The following PRLR variants were observed in gnomAD, a reference collection of about 807,000 sequenced individuals.
The protein encoded by PRLR is hPRL receptor.
In PRLR, 13 loss-of-function variants were observed where a neutral mutation model predicts 40.2. That is an observed-to-expected ratio of 0.32 (90% CI 0.21 to 0.51). The LOEUF is 0.51. Ranked by LOEUF, PRLR falls within the 20% of genes least tolerant of loss-of-function variation. The pLI, the probability that PRLR is intolerant of heterozygous loss-of-function variation, is 0.97. For missense variants in PRLR, 656 were observed against 747.3 expected (o/e 0.88, Z 1.42); for synonymous variants, 269 against 278.7 (o/e 0.97, Z 0.35).
At chr5:35,109,051 T>G (rs4455534) in intron 2 of PRLR, among the ~76,000 whole-genome samples, 36,011 of 151,936 alleles carry the variant, frequency 0.24, 7,862 homozygotes, top group African/African-American at 0.58. Context: ...AGAGCCCTCA[T>G]AAATAATACC....
chr5:35,151,659 G>A lies in PRLR; in HGVS notation c.-105-33537C>T, dbSNP rs934480473. Among the ~76,000 whole-genome samples, 8 of 152,088 alleles carry A rather than the reference G, an allele frequency of 5.3e-5. No individual in the cohort carries two copies. The East Asian group carries it at 1.5e-3, about 29-fold the overall frequency. On this transcript the variant is annotated intron_variant, in intron 1 of 9. Transcript: ENST00000618457. Reference sequence around the variant, plus strand: ...TCTGCATGCTCCCTCTCAGAATCCAGCCACCATAGAGCCAAGGCTCCTGAG... The same window carrying A: ...TCTGCATGCTCCCTCTCAGAATCCAACCACCATAGAGCCAAGGCTCCTGAG...
At chr5:35,113,360 T>C (rs1772797445) in intron 2 of PRLR, among the ~76,000 whole-genome samples, 1 of 143,104 alleles carries the variant, frequency 7.0e-6, no homozygotes. Context: ...CATCCATCTA[T>C]CAACCTACCC....
chr5:35,196,337 C>A (rs78510156), intron 1 of PRLR, among the ~76,000 whole-genome samples: 3,487 of 152,084 alleles, frequency 0.023, 132 homozygotes, highest in African/African-American at 0.08. Flanking sequence ...GAAAATAACA[C>A]AAAGAAAAAG....
At chr5:35,207,869 A>G (rs1222122549) in intron 1 of PRLR, among the ~76,000 whole-genome samples, 1 of 152,206 alleles carries the variant, frequency 6.6e-6, no homozygotes, top group Non-Finnish European at 1.5e-5. Context: ...TTTGAAAATG[A>G]AAAGTGATGA....
chr5:35,094,562 G>A (rs1054151106), intron 2 of PRLR, among the ~76,000 whole-genome samples: 2 of 152,144 alleles, frequency 1.3e-5, no homozygotes, highest in Admixed American at 6.5e-5. Flanking sequence ...TGTGCTACCC[G>A]CCATATCTCC....
chr5:35,087,428 G>A (rs1017581479), intron 3 of PRLR, among the ~76,000 whole-genome samples: 1 of 150,574 alleles, frequency 6.6e-6, no homozygotes, highest in East Asian at 1.9e-4. Context: ...TCCTTTGTGT[G>A]TGTGTGTGTG....
intron 2 of PRLR, among the ~76,000 whole-genome samples, chr5:35,105,031 A>C (rs1455919415): frequency 6.6e-6 from 1 of 152,194 alleles, no homozygotes; most frequent in Non-Finnish European, 1.5e-5. Context: ...TTTCCAGAGG[A>C]AGGCTCAGGC....
intron 9 of PRLR, among the ~76,000 whole-genome samples, chr5:35,066,728 A>G (rs1186714333): frequency 9.8e-6 from 1 of 102,368 alleles, no homozygotes; most frequent in East Asian, 2.7e-4. Context: ...TCCCCCTCCT[A>G]TTTCCTCCTG....
At chr5:35,210,618 T>C (rs10512630) in intron 1 of PRLR, among the ~76,000 whole-genome samples, 5,836 of 152,356 alleles carry the variant, frequency 0.038, 172 homozygotes, top group Non-Finnish European at 0.061. Context: ...TGCTAAATTA[T>C]ATCCAAGATT....
intron 5 of PRLR, among the ~76,000 whole-genome samples, chr5:35,083,524 C>CT (rs59813376): frequency 0.059 from 8,077 of 136,366 alleles, 377 homozygotes; most frequent in Middle Eastern, 0.14. Context: ...CTTTTCTTTT[C>CT]TTTTTTTTTT....
At chr5:35,126,165 A>C (rs902586658) in intron 1 of PRLR, among the ~76,000 whole-genome samples, 1 of 152,216 alleles carries the variant, frequency 6.6e-6, no homozygotes, top group Admixed American at 6.5e-5. Flanking sequence ...GGAACATCTT[A>C]AGCTATTAAG....
intron 1 of PRLR, among the ~76,000 whole-genome samples, chr5:35,123,428 A>G (rs575007440): frequency 6.6e-5 from 10 of 152,374 alleles, no homozygotes; most frequent in Admixed American, 6.5e-4. Context: ...GGGAACTTGT[A>G]TAATGTCATC....
chr5:35,143,954 T>A (rs1314172952), intron 1 of PRLR, among the ~76,000 whole-genome samples: 2 of 152,106 alleles, frequency 1.3e-5, no homozygotes, highest in Non-Finnish European at 2.9e-5. Context: ...CGATCATAAT[T>A]TTTTTCCAGC....
chr5:35,096,028 A>C (rs1033131175), intron 2 of PRLR, among the ~76,000 whole-genome samples: 1 of 152,222 alleles, frequency 6.6e-6, no homozygotes, highest in Admixed American at 6.5e-5. Flanking sequence ...TGTGCTGTGC[A>C]TGGTGATGGC....
intron 1 of PRLR, among the ~76,000 whole-genome samples, chr5:35,215,977 G>T (rs1776277736): frequency 6.6e-6 from 1 of 151,642 alleles, no homozygotes; most frequent in Non-Finnish European, 1.5e-5. Flanking sequence ...GGCAGAGGTT[G>T]CAGTGAGCCG....
At chr5:35,217,177 A>T (rs2111660686) in intron 1 of PRLR, among the ~76,000 whole-genome samples, 1 of 152,300 alleles carries the variant, frequency 6.6e-6, no homozygotes, top group African/African-American at 2.4e-5. Context: ...GCAGAGAGGA[A>T]CTTATACCTC....
chr5:35,180,479 G>T (rs1198181664), intron 1 of PRLR, among the ~76,000 whole-genome samples: 1 of 152,068 alleles, frequency 6.6e-6, no homozygotes, highest in East Asian at 1.9e-4. Context: ...TGCCATGATT[G>T]TAAGTTTCCC....
intron 1 of PRLR, among the ~76,000 whole-genome samples, chr5:35,121,454 A>G (rs1438757222): frequency 6.6e-6 from 1 of 151,780 alleles, no homozygotes; most frequent in Non-Finnish European, 1.5e-5. Context: ...TGACCAATAC[A>G]TTTTTTTTGT....
intron 1 of PRLR, among the ~76,000 whole-genome samples, chr5:35,197,518 T>C (rs566255029): frequency 6.6e-6 from 1 of 152,346 alleles, no homozygotes; most frequent in African/African-American, 2.4e-5. Flanking sequence ...TCATTCTTGC[T>C]GGATTTGCAC....
Sources: allele counts gnomAD v4.1 joint callset (sites outside exome capture counted in the v4.1 genomes callset), GRCh38; gene constraint gnomAD v4.1.1; transcripts MANE v1.5; gene names NCBI Gene and HGNC (gene_info 2026-07-23, HGNC 2026-07-21).